Variants in OPCML observed in about 807,000 individuals in gnomAD.
OPCML encodes the protein opioid-binding protein/cell adhesion molecule.
Under a neutral mutation model 37.8 loss-of-function variants are expected in OPCML, and 13 were observed. The observed-to-expected ratio is 0.34, with a 90% confidence interval of 0.22 to 0.55. The LOEUF (loss-of-function observed/expected upper bound fraction) is 0.55, where lower values mean the gene tolerates loss of function less well. OPCML is among the 20% of genes least tolerant of loss of function. OPCML has a pLI of 0.91. For synonymous variants in OPCML, 176 were observed against 168.8 expected (o/e 1.04, Z -0.33); for missense variants, 341 against 435.6 (o/e 0.78, Z 1.93).
chr11:132,774,053 C>T (rs541054797), intron 2 of OPCML, among the ~76,000 whole-genome samples: 73 of 152,308 alleles, frequency 4.8e-4, no homozygotes, highest in African/African-American at 1.7e-3. Context: ...AAAATTATGT[C>T]CTACAACACA....
At chr11:133,420,517 A>C in intron 1 of OPCML, 4 of 983,626 alleles carry the variant, frequency 4.1e-6, no homozygotes, top group Non-Finnish European at 4.8e-6. Context: ...ATTGGTGTTA[A>C]CAACTTATTC....
In OPCML at chr11:132,480,273, T is replaced by C. The variant is rs544327982; in HGVS notation, c.506-42914A>G. 1.3e-4 allele frequency among the ~76,000 whole-genome samples: 20 copies of C among 152,148 alleles called. No homozygotes were observed. The East Asian group carries it at 3.3e-3, about 25-fold the overall frequency. The stretch of plus-strand genomic sequence containing the variant: ...CAACTGGTAGAAAGGATATCAGTGA[T>C]GGAAGATGAAATGAATGAAATGAAG... On this transcript the variant is annotated intron_variant, in intron 4 of 7. Transcript: ENST00000524381.
intron 2 of OPCML, among the ~76,000 whole-genome samples, chr11:132,819,351 G>C (rs1223318572): frequency 3.7e-5 from 4 of 109,236 alleles, no homozygotes; most frequent in Non-Finnish European, 6.1e-5. Flanking sequence ...TGATTACTTT[G>C]GTTAAAAAAA....
intron 3 of OPCML, among the ~76,000 whole-genome samples, chr11:132,619,026 C>T (rs2137901831): frequency 6.6e-6 from 1 of 151,742 alleles, no homozygotes; most frequent in African/African-American, 2.4e-5. Context: ...AAATGTTTCC[C>T]TATGGTTTCG....
In OPCML at chr11:133,256,661, T is replaced by C. The variant is rs189810641; in HGVS notation, c.61+275603A>G. 1.1e-4 allele frequency among the ~76,000 whole-genome samples: 16 copies of C among 152,344 alleles called. No individual in the cohort carries two copies. In the East Asian group the frequency reaches 2.7e-3, roughly 26 times the overall value. On this transcript the variant is annotated intron_variant, in intron 1 of 7. Coordinates refer to ENST00000524381, the MANE Select transcript of OPCML (RefSeq NM_001012393.5). ...TAGTGTAGACTAAGAGGTTCTGTGT[T>C]CTTTTTCCCATTTACAGCTGTCAAA... is the stretch of plus-strand genomic sequence containing the variant.
chr11:133,430,226 G>C lies in OPCML; in HGVS notation c.61+102038C>G, dbSNP rs563860672. On this transcript the variant is annotated intron_variant, in intron 1 of 7. Coordinates refer to ENST00000524381, the MANE Select transcript of OPCML (RefSeq NM_001012393.5). ...TGACTTGATAAGAGGTGTTTTGGTG[G>C]AGAGGTGAGATCTAAAAACTACAAT... Among the ~76,000 whole-genome samples, 116 of 152,268 alleles carry C rather than the reference G, an allele frequency of 7.6e-4. 1 individual carries two copies. The highest frequency in any genetic ancestry group is 6.9e-3 in the Admixed American group (106 of 15,292).
intron 1 of OPCML, among the ~76,000 whole-genome samples, chr11:133,333,444 C>G (rs1943670949): frequency 6.6e-6 from 1 of 152,118 alleles, no homozygotes; most frequent in African/African-American, 2.4e-5. Context: ...TAGCCATATG[C>G]AGAAGATTGA....
At chr11:133,314,985 C>T (rs11223435) in intron 1 of OPCML, among the ~76,000 whole-genome samples, 6 of 151,590 alleles carry the variant, frequency 4.0e-5, no homozygotes, top group Non-Finnish European at 7.4e-5. Flanking sequence ...AGTGTGTGTG[C>T]GTGTGTGTGT....
At chr11:133,070,842 C>G (rs1302134202) in intron 1 of OPCML, among the ~76,000 whole-genome samples, 1 of 152,154 alleles carries the variant, frequency 6.6e-6, no homozygotes, top group African/African-American at 2.4e-5. Flanking sequence ...GTTCCTCGGA[C>G]TCTGTCAGGA....
chr11:133,230,823 T>C (rs143816458), intron 1 of OPCML, among the ~76,000 whole-genome samples: 2 of 152,146 alleles, frequency 1.3e-5, no homozygotes, highest in Non-Finnish European at 2.9e-5. Context: ...AGGACTCTGC[T>C]CCAGGGCTCT....
chr11:133,387,104 A>G (rs930803457), intron 1 of OPCML, among the ~76,000 whole-genome samples: 20 of 152,144 alleles, frequency 1.3e-4, no homozygotes, highest in Admixed American at 1.2e-3. Context: ...CCTCAAACAC[A>G]TGGCCAGGAA....
intron 1 of OPCML, among the ~76,000 whole-genome samples, chr11:133,075,072 G>A (rs1216431028): frequency 3.3e-5 from 5 of 151,976 alleles, no homozygotes; most frequent in African/African-American, 7.2e-5. Flanking sequence ...CCTCTCACGC[G>A]TCCCCACCCT....
chr11:133,322,395 G>T (rs996579739), intron 1 of OPCML, among the ~76,000 whole-genome samples: 7 of 152,210 alleles, frequency 4.6e-5, no homozygotes, highest in Admixed American at 4.6e-4. Context: ...CCATTTTTCA[G>T]AAGTATTCTT....
At chr11:133,091,500 G>C (rs1033341310) in intron 1 of OPCML, among the ~76,000 whole-genome samples, 4 of 152,206 alleles carry the variant, frequency 2.6e-5, no homozygotes, top group African/African-American at 9.7e-5. Flanking sequence ...TGGAGGTGAG[G>C]CTTCCTGAGG....
intron 1 of OPCML, among the ~76,000 whole-genome samples, chr11:133,236,035 C>T (rs770638909): frequency 2.0e-5 from 3 of 152,146 alleles, no homozygotes; most frequent in Admixed American, 6.5e-5. Flanking sequence ...ATACATACAT[C>T]CCTGTGATAA....
At chr11:133,419,602 C>T (rs1185552649) in intron 1 of OPCML, among the ~76,000 whole-genome samples, 1 of 152,164 alleles carries the variant, frequency 6.6e-6, no homozygotes, top group Non-Finnish European at 1.5e-5. Flanking sequence ...CAATGGTTTG[C>T]TACTGTGCCC....
chr11:132,763,720 G>A (rs2136104482), intron 2 of OPCML, among the ~76,000 whole-genome samples: 1 of 152,300 alleles, frequency 6.6e-6, no homozygotes, highest in Admixed American at 6.5e-5. Flanking sequence ...TTTCTGTGTG[G>A]CAGAGCCCTG....
chr11:133,202,768 G>T (rs567872857), intron 1 of OPCML, among the ~76,000 whole-genome samples: 4 of 152,326 alleles, frequency 2.6e-5, no homozygotes, highest in African/African-American at 7.2e-5. Context: ...CCAGCCAAGG[G>T]ATCCTGCCAG....
At chr11:133,104,781 ATTG>A (rs1949133138) in intron 1 of OPCML, among the ~76,000 whole-genome samples, 1 of 152,304 alleles carries the variant, frequency 6.6e-6, no homozygotes, top group African/African-American at 2.4e-5. Context: ...TTTCCTTCAG[ATTG>A]TTGATTTATT....
Sources: allele counts gnomAD v4.1 joint callset (sites outside exome capture counted in the v4.1 genomes callset), GRCh38; gene constraint gnomAD v4.1.1; transcripts MANE v1.5; gene names NCBI Gene and HGNC (gene_info 2026-07-23, HGNC 2026-07-21).